Variants in ARID1A observed in about 807,000 individuals in gnomAD.
The protein encoded by ARID1A is AT-rich interactive domain-containing protein 1A.
Under a neutral mutation model 212.6 loss-of-function variants are expected in ARID1A, and 20 were observed. That is an observed-to-expected ratio of 0.09 (90% CI 0.07 to 0.14). The LOEUF (loss-of-function observed/expected upper bound fraction) is 0.14. Among genes scored for constraint, ARID1A ranks in the 10% least tolerant of loss-of-function variants. The probability of loss-of-function intolerance (pLI) is 1.00; values close to 1 mark genes in which losing one functional copy is unlikely to be tolerated. For missense variants in ARID1A, 2,587 were observed against 3,059.0 expected (o/e 0.85, Z 3.64); for synonymous variants, 1,376 against 1,222.1 (o/e 1.13, Z -2.63).
chr1:26,780,809 A>G lies in ARID1A; in HGVS notation c.*53A>G, dbSNP rs2124154256. The G allele has an allele frequency of 6.6e-7, 1 of 1,513,666 alleles. No homozygotes were observed. Among genetic ancestry groups the G allele is most frequent in the Admixed American group, 2.0e-5 (1 of 49,060 alleles). 93.8% of individuals were successfully genotyped at this position (1,513,666 alleles called of 1,614,324 possible). A position where few individuals can be genotyped will look rare whatever the true frequency, so the allele number is the denominator to read the frequency against. On this transcript the variant is annotated 3_prime_UTR_variant, in exon 20 of 20. Transcript: ENST00000324856. This position sits in a 1 kb window ranked among gnomAD's most constrained non-coding sequence, Gnocchi z 7.2. Reference sequence around the variant, plus strand: ...GTGTGTGTGCGTGTGTGGAGAACTTAGAAACTGACTGTTGCCCTTTATTTA... The same window carrying G: ...GTGTGTGTGCGTGTGTGGAGAACTTGGAAACTGACTGTTGCCCTTTATTTA...
In ARID1A at chr1:26,779,410, G is replaced by A. The variant is rs2124140010; in HGVS notation, c.5512G>A (p.Asp1838Asn). 6.2e-7 allele frequency: 1 copy of A among 1,614,192 alleles called. No individual in the cohort carries two copies. Among genetic ancestry groups the A allele is most frequent in the Non-Finnish European group, 8.5e-7 (1 of 1,180,030 alleles). ...SDKLGRVQEF[D>N]SGLLHWRIGG... ...TAAGCTTGGGCGTGTGCAGGAGTTT[G>A]ACAGTGGCCTGCTGCACTGGCGGAT... Residue 1838 changes from aspartate (D) to asparagine (N), a missense_variant, in exon 20 of 20, where the codon GAC becomes AAC. Asp to Asn is a conservative substitution (Grantham distance 23). Transcript: ENST00000324856.
intron 1 of ARID1A, among the ~76,000 whole-genome samples, chr1:26,712,737 C>T (rs12726287): frequency 0.059 from 9,041 of 152,230 alleles, 325 homozygotes; most frequent in Non-Finnish European, 0.08. Context: ...CCTGAACAAG[C>T]CACCTCATCT....
At position 26,731,166 on chromosome 1, in the gene ARID1A, A is replaced by C; in HGVS notation, c.1365A>C (p.Gly455=). The part of the protein sequence containing the change: ...LSYTQQIPPY[G]QQGPSGYGQQ... Reference sequence around the variant, plus strand: ...CTTTCCTACAGATTCCTCCTTATGGACAACAAGGCCCCAGCGGGTATGGTC... The same window carrying C: ...CTTTCCTACAGATTCCTCCTTATGGCCAACAAGGCCCCAGCGGGTATGGTC... The change falls in exon 3 of 20, where the codon GGA becomes GGC. Residue 455 remains glycine (G), a synonymous_variant. Transcript: ENST00000324856. 6.2e-7 allele frequency: 1 copy of C among 1,613,794 alleles called. No homozygotes were observed. The highest frequency in any genetic ancestry group is 2.2e-5 in the East Asian group (1 of 44,870).
intron 14 of ARID1A, 136 bp downstream of exon 14, chr1:26,773,123 T>G: frequency 4.6e-6 from 6 of 1,299,498 alleles, no homozygotes; most frequent in Non-Finnish European, 6.3e-6. Context: ...TAACTACCCC[T>G]CTTCATCCTT....
chr1:26,775,695 C>T lies in ARID1A; in HGVS notation c.5112C>T (p.Phe1704=), dbSNP rs780163539. 37 of 1,614,134 alleles carry T rather than the reference C, an allele frequency of 2.3e-5. 1 individual carries two copies. In the South Asian group the frequency reaches 4.0e-4, roughly 17 times the overall value. The change falls in exon 19 of 20, where the codon TTC becomes TTT. Residue 1704 remains phenylalanine (F), a synonymous_variant. Coordinates refer to ENST00000324856, the MANE Select transcript of ARID1A (RefSeq NM_006015.6). ...LLYDDNSIMT[F]NLSQLPGLLE... The stretch of plus-strand genomic sequence containing the variant: ...ATGATGACAACAGCATCATGACCTT[C>T]AACCTCAGTCAGGTGAGTATCAGTG...
At chr1:26,720,429 C>T (rs1172781108) in intron 1 of ARID1A, among the ~76,000 whole-genome samples, 2 of 149,852 alleles carry the variant, frequency 1.3e-5, no homozygotes, top group South Asian at 2.1e-4. Context: ...GCTGAGATGG[C>T]GTCATTGCAC....
intron 4 of ARID1A, among the ~76,000 whole-genome samples, chr1:26,759,606 G>A (rs1159364953): frequency 5.3e-5 from 8 of 152,122 alleles, no homozygotes; most frequent in Non-Finnish European, 7.4e-5. Flanking sequence ...AAGTAATGTT[G>A]CTAGAGAATG....
At chr1:26,772,191 A>G (rs945486350) in intron 12 of ARID1A, 4 of 370,376 alleles carry the variant, frequency 1.1e-5, no homozygotes, top group South Asian at 7.0e-5. Context: ...AGGTTAGACA[A>G]GGTCCTTTGG....
rs370142648 is a variant in ARID1A, at chr1:26,775,691, C to A, written c.5108C>A (p.Thr1703Asn). ...CTGTATGATGACAACAGCATCATGA[C>A]CTTCAACCTCAGTCAGGTGAGTATC... is the stretch of plus-strand genomic sequence containing the variant. The part of the protein sequence containing the change: ...ILLYDDNSIM[T>N]FNLSQLPGLL... The change falls in exon 19 of 20, where the codon ACC becomes AAC. Residue 1703 changes from threonine (T) to asparagine (N), a missense_variant. This residue lies in a region of ARID1A where 890 missense variants were observed against 1,098.2 expected (regional missense o/e 0.81). Coordinates refer to ENST00000324856, the MANE Select transcript of ARID1A (RefSeq NM_006015.6). 6.2e-7 allele frequency: 1 copy of A among 1,614,200 alleles called. No homozygotes were observed. Among genetic ancestry groups the A allele is most frequent in the Non-Finnish European group, 8.5e-7 (1 of 1,180,034 alleles).
intron 1 of ARID1A, among the ~76,000 whole-genome samples, chr1:26,716,198 C>T (rs1198543317): frequency 2.9e-5 from 4 of 138,314 alleles, no homozygotes; most frequent in Admixed American, 1.5e-4. Flanking sequence ...AGCGAGATTC[C>T]GTCTCAAAAA....
rs1391892783 is a variant in ARID1A, at chr1:26,780,993, C to T, written c.*237C>T. On this transcript the variant is annotated 3_prime_UTR_variant, in exon 20 of 20. Transcript: ENST00000324856. The surrounding 1 kb of genome is among the most constrained non-coding windows in gnomAD (Gnocchi z 7.2). ...CACCTTACTCCCCTCAGGACCCTAC[C>T]CCACCCTCTTTGAAAAGACAAAGCT... 1.1e-5 allele frequency: 5 copies of T among 445,690 alleles called. No individual in the cohort carries two copies. Among genetic ancestry groups the T allele is most frequent in the Non-Finnish European group, 1.2e-5 (3 of 258,530 alleles). 27.6% of individuals were successfully genotyped at this position (445,690 alleles called of 1,614,324 possible). A position where few individuals can be genotyped will look rare whatever the true frequency, so the allele number is the denominator to read the frequency against.
chr1:26,740,665 A>G (rs1043530153), intron 4 of ARID1A, among the ~76,000 whole-genome samples: 2 of 152,216 alleles, frequency 1.3e-5, no homozygotes, highest in African/African-American at 2.4e-5. Context: ...AACTGGGGCA[A>G]TCATGTGATA....
chr1:26,710,528 C>CACACACACACACACACACACACACA (rs1553147494), intron 1 of ARID1A, among the ~76,000 whole-genome samples: 8 of 148,302 alleles, frequency 5.4e-5, no homozygotes, highest in African/African-American at 2.0e-4. Flanking sequence ...CACACACACA[C>CACACACACACACACACACACACACA]CACTTGTTGT....
chr1:26,772,132 C>CT lies in ARID1A; in HGVS notation c.3407-366dup, dbSNP rs2081087718. Reference sequence around the variant, plus strand: ...TTTGGGACCCCCTTCCCACCCAGGACTTGGGAGGCTCTGACTGGAGCTCAT... The same window carrying CT: ...TTTGGGACCCCCTTCCCACCCAGGACTTTGGGAGGCTCTGACTGGAGCTCAT... On this transcript the variant is annotated intron_variant, in intron 12 of 19. Transcript: ENST00000324856. 1.9e-5 allele frequency: 4 copies of CT among 212,390 alleles called. No homozygotes were observed. In the South Asian group the frequency reaches 4.4e-4, roughly 23 times the overall value. The allele number at this position is 212,390 out of a possible 1,614,324, so 13.2% of individuals were successfully genotyped here. A position where few individuals can be genotyped will look rare whatever the true frequency, so the allele number is the denominator to read the frequency against.
At chr1:26,742,347 G>A (rs2080795195) in intron 4 of ARID1A, among the ~76,000 whole-genome samples, 1 of 152,186 alleles carries the variant, frequency 6.6e-6, no homozygotes, top group Non-Finnish European at 1.5e-5. Context: ...TAGCCAACTA[G>A]GGAATCGCCT....
At position 26,696,123 on chromosome 1, in the gene ARID1A, C is replaced by A. The variant is rs1018351670; in HGVS notation, c.-281C>A. ...CAGGCAAGGGCTTGGGGGGAATGAG[C>A]CGGGAGAGCCGGGTCCCGAGCCTAC... On this transcript the variant is annotated 5_prime_UTR_variant, in exon 1 of 20. Transcript: ENST00000324856. 1.7e-5 allele frequency: 8 copies of A among 460,540 alleles called. No homozygotes were observed. The highest frequency in any genetic ancestry group is 2.2e-5 in the Non-Finnish European group (7 of 322,562). 28.5% of individuals were successfully genotyped at this position (460,540 alleles called of 1,614,324 possible).
intron 19 of ARID1A, 83 bp from the exon 20 acceptor site, chr1:26,778,940 C>T: frequency 1.5e-6 from 2 of 1,357,676 alleles, no homozygotes; most frequent in South Asian, 1.7e-5. Flanking sequence ...ATACAGAAGA[C>T]TTGGGGAGGT....
rs2124136748 is a variant in ARID1A, at chr1:26,779,068, C to G, written c.5170C>G (p.Leu1724Val). The change falls in exon 20 of 20, where the codon CTG becomes GTG. Residue 1724 changes from leucine to valine, a missense_variant. By Grantham distance (32) the Leu-to-Val change is conservative. Transcript: ENST00000324856. ...ELLVEYFRRC[L>V]IEIFGILKEY... ...CCTTGTAGAATATTTCCGACGATGC[C>G]TGATTGAGATCTTTGGCATTTTAAA... The G allele has an allele frequency of 6.6e-7, 1 of 1,510,822 alleles. No individual in the cohort carries two copies. Among genetic ancestry groups the G allele is most frequent in the Non-Finnish European group, 8.9e-7 (1 of 1,129,350 alleles). The allele number at this position is 1,510,822 out of a possible 1,614,324, so 93.6% of individuals were successfully genotyped here. A position where few individuals can be genotyped will look rare whatever the true frequency, so the allele number is the denominator to read the frequency against.
chr1:26,706,479 G>C (rs1438434136), intron 1 of ARID1A, among the ~76,000 whole-genome samples: 1 of 152,168 alleles, frequency 6.6e-6, no homozygotes, highest in Non-Finnish European at 1.5e-5. Context: ...TTTTGCTCAT[G>C]TTTTCTTTGA....
Sources: gnomAD v4.1 joint callset for allele counts (sites outside exome capture counted in the v4.1 genomes callset) on GRCh38, gnomAD v4.1.1 for gene constraint, gnomAD v4.1.1 regional missense constraint, Gnocchi (gnomAD v3.1) non-coding constraint, MANE v1.5 for transcripts, NCBI Gene and HGNC (gene_info 2026-07-23, HGNC 2026-07-21) for gene names.